Variants in MFHAS1 observed in about 807,000 individuals in gnomAD.
MFHAS1 encodes multifunctional ROCO family signaling regulator 1.
Under a neutral mutation model 70.4 loss-of-function variants are expected in MFHAS1, and 50 were observed. The observed-to-expected ratio is 0.71, with a 90% CI of 0.57 to 0.90. MFHAS1 has a LOEUF of 0.90. Among genes scored for constraint, MFHAS1 ranks in the 40% least tolerant of loss-of-function variants. The pLI, the probability that MFHAS1 is intolerant of heterozygous loss-of-function variation, is 0.00. For missense variants in MFHAS1, 1,795 were observed against 1,347.6 expected (o/e 1.33, Z -5.20); for synonymous variants, 952 against 620.0 (o/e 1.54, Z -7.96).
At chr8:8,815,561 G>C (rs1044169885) in intron 1 of MFHAS1, among the ~76,000 whole-genome samples, 2 of 152,118 alleles carry the variant, frequency 1.3e-5, no homozygotes, top group African/African-American at 4.8e-5. Flanking sequence ...TTGCCATTCT[G>C]ACTGGTGTGA....
intron 1 of MFHAS1, among the ~76,000 whole-genome samples, chr8:8,847,645 C>T (rs1205243809): frequency 1.3e-5 from 2 of 152,178 alleles, no homozygotes; most frequent in Non-Finnish European, 2.9e-5. Flanking sequence ...TTACTAACTA[C>T]CTGATGAAGA....
intron 1 of MFHAS1, among the ~76,000 whole-genome samples, chr8:8,858,657 G>A (rs749458449): frequency 6.6e-6 from 1 of 151,976 alleles, no homozygotes; most frequent in Non-Finnish European, 1.5e-5. Flanking sequence ...TGGGGGGTTG[G>A]GTTCTAGGGC....
chr8:8,860,491 C>A (rs1808621087), intron 1 of MFHAS1, among the ~76,000 whole-genome samples: 1 of 152,214 alleles, frequency 6.6e-6, no homozygotes, highest in Non-Finnish European at 1.5e-5. Context: ...GAAAATAAGG[C>A]ATCAAGGTGA....
intron 1 of MFHAS1, among the ~76,000 whole-genome samples, chr8:8,837,575 G>A (rs930307702): frequency 8.6e-5 from 13 of 151,888 alleles, no homozygotes; most frequent in Admixed American, 1.3e-4. Context: ...CCCAGGAGGC[G>A]GAGGTTGCAG....
intron 1 of MFHAS1, among the ~76,000 whole-genome samples, chr8:8,828,113 G>C (rs1235074681): frequency 6.6e-6 from 1 of 152,112 alleles, no homozygotes; most frequent in Non-Finnish European, 1.5e-5. Context: ...CCAGGACTCT[G>C]ACATATGCCC....
intron 1 of MFHAS1, among the ~76,000 whole-genome samples, chr8:8,802,629 G>T (rs1431007756): frequency 6.6e-6 from 1 of 152,212 alleles, no homozygotes; most frequent in South Asian, 2.1e-4. Context: ...ATGAAGGGTA[G>T]GGTATGGAGC....
intron 1 of MFHAS1, among the ~76,000 whole-genome samples, chr8:8,809,318 G>A (rs1806458056): frequency 6.6e-6 from 1 of 152,138 alleles, no homozygotes; most frequent in African/African-American, 2.4e-5. Flanking sequence ...AGTCTGTGGT[G>A]CCGAACAAGG....
intron 1 of MFHAS1, among the ~76,000 whole-genome samples, chr8:8,877,192 G>T (rs375864840): frequency 6.6e-6 from 1 of 151,010 alleles, no homozygotes; most frequent in East Asian, 2.0e-4. Flanking sequence ...CCCAACTACT[G>T]GGGAGGCTGA....
chr8:8,851,955 G>A (rs1585051838), intron 1 of MFHAS1, among the ~76,000 whole-genome samples: 1 of 152,110 alleles, frequency 6.6e-6, no homozygotes, highest in Admixed American at 6.5e-5. Flanking sequence ...TAAATCTGAG[G>A]TCACCAGGCG....
intron 1 of MFHAS1, among the ~76,000 whole-genome samples, chr8:8,803,737 C>A (rs375834844): frequency 1.2e-4 from 18 of 151,748 alleles, no homozygotes; most frequent in African/African-American, 4.4e-4. Context: ...TTTGGGAGGC[C>A]GAGGCAGGCA....
chr8:8,871,078 C>G (rs1190406993), intron 1 of MFHAS1, among the ~76,000 whole-genome samples: 1 of 152,122 alleles, frequency 6.6e-6, no homozygotes. Flanking sequence ...TATTGCCTTC[C>G]TGAGAAGCAG....
At chr8:8,838,808 C>T (rs964099850) in intron 1 of MFHAS1, among the ~76,000 whole-genome samples, 1 of 112,634 alleles carries the variant, frequency 8.9e-6, no homozygotes, top group African/African-American at 3.1e-5. Flanking sequence ...CGAGACCCTG[C>T]CTCAAAAAAA....
intron 1 of MFHAS1, among the ~76,000 whole-genome samples, chr8:8,889,663 A>T (rs886475200): frequency 6.6e-6 from 1 of 152,090 alleles, no homozygotes; most frequent in Non-Finnish European, 1.5e-5. Context: ...AAACTCATCT[A>T]CCCCTTTGAG....
In MFHAS1 at chr8:8,891,163, C is replaced by A; in HGVS notation, c.1896G>T (p.Pro632=). ...TGTCCCGAAGGCGTCGTAAGTGGCG[C>A]GGGTCCCTGCAGCTAACAGGCAACA... ...SPVLPVSCRD[P]RHLRRLRDKL... is the part of the protein sequence containing the mutation. Residue 632 remains proline (P), a synonymous_variant, in exon 1 of 3, where the codon CCG becomes CCT. Transcript: ENST00000276282. The surrounding 1 kb of genome is among the most constrained non-coding windows in gnomAD (Gnocchi z 5.4). 1 of 1,613,494 alleles carries A rather than the reference C, an allele frequency of 6.2e-7. No homozygotes were observed. Among genetic ancestry groups the A allele is most frequent in the Non-Finnish European group, 8.5e-7 (1 of 1,180,042 alleles).
In MFHAS1 at chr8:8,892,109, C is replaced by A. The variant is rs768093869; in HGVS notation, c.950G>T (p.Gly317Val). The A allele has an allele frequency of 1.2e-6, 2 of 1,613,054 alleles. No individual in the cohort carries two copies. Among genetic ancestry groups the A allele is most frequent in the Non-Finnish European group, 1.7e-6 (2 of 1,180,004 alleles). ...QLTSVPSLIS[G>V]LGRLLTLWLD... Reference sequence around the variant, plus strand: ...CCACAAGGTGAGAAGCCGGCCCAGGCCCGAGATAAGGGATGGCACCGAGGT... The same window carrying A: ...CCACAAGGTGAGAAGCCGGCCCAGGACCGAGATAAGGGATGGCACCGAGGT... The change falls in exon 1 of 3, where the codon GGC becomes GTC. Residue 317 changes from glycine (G) to valine (V), a missense_variant. Gly to Val is a moderately radical substitution (Grantham distance 109, BLOSUM62 -3). Transcript: ENST00000276282. The surrounding 1 kb of genome is among the most constrained non-coding windows in gnomAD (Gnocchi z 4.7).
chr8:8,840,312 C>T (rs527237630), intron 1 of MFHAS1, among the ~76,000 whole-genome samples: 23 of 152,084 alleles, frequency 1.5e-4, no homozygotes, highest in Non-Finnish European at 3.2e-4. Context: ...CAAAAATTAG[C>T]CAGGTATGGT....
intron 1 of MFHAS1, among the ~76,000 whole-genome samples, chr8:8,883,707 CA>C (rs35799658): frequency 4.5e-3 from 134 of 29,580 alleles, no homozygotes; most frequent in Admixed American, 8.5e-3. Context: ...GACTCAGTCT[CA>C]AAAAAAAAAA....
chr8:8,818,129 A>G (rs558711844), intron 1 of MFHAS1, among the ~76,000 whole-genome samples: 1 of 152,286 alleles, frequency 6.6e-6, no homozygotes, highest in South Asian at 2.1e-4. Context: ...TTGTGGGTCC[A>G]CCTTGAAACC....
At chr8:8,857,697 T>C (rs1349568607) in intron 1 of MFHAS1, among the ~76,000 whole-genome samples, 1 of 151,606 alleles carries the variant, frequency 6.6e-6, no homozygotes, top group Non-Finnish European at 1.5e-5. Flanking sequence ...GAGGCAGAGG[T>C]TGCAGTGAGC....
Sources: gnomAD v4.1 joint callset for allele counts (sites outside exome capture counted in the v4.1 genomes callset) on GRCh38, gnomAD v4.1.1 for gene constraint, Gnocchi (gnomAD v3.1) non-coding constraint, MANE v1.5 for transcripts, NCBI Gene and HGNC (gene_info 2026-07-23, HGNC 2026-07-21) for gene names.